UBE2V2: variants seen among roughly 807,000 people sequenced by gnomAD.
UBE2V2 encodes the protein ubiquitin-conjugating enzyme E2 variant 2.
Under a neutral mutation model 17.2 loss-of-function variants are expected in UBE2V2, and 9 were observed. The observed-to-expected ratio is 0.52, with a 90% CI of 0.32 to 0.91. The LOEUF (loss-of-function observed/expected upper bound fraction) is 0.91. Among genes scored for constraint, UBE2V2 ranks in the 40% least tolerant of loss-of-function variants. The pLI is 0.04. For synonymous variants in UBE2V2, 61 were observed against 57.5 expected (o/e 1.06, Z -0.28); for missense variants, 133 against 182.6 (o/e 0.73, Z 1.56).
intron 3 of UBE2V2, 181 bp downstream of exon 3, chr8:48,050,159 A>G (rs951325238): frequency 4.8e-6 from 2 of 413,494 alleles, no homozygotes; most frequent in East Asian, 4.2e-5. Flanking sequence ...TCTTTTATTA[A>G]TATAAATTAG....
rs548061842 is a variant in UBE2V2 at position 48,062,332 on chromosome 8, C to T, written c.*1504C>T. ...GTATTGGCCATGTGGTGGCTCATGC[C>T]GCTAATCCCAGCACTTTGGGAGGCT... On this transcript the variant is annotated 3_prime_UTR_variant, in exon 4 of 4. Transcript: ENST00000523111. 5 of 152,176 alleles carry T rather than the reference C, an allele frequency of 3.3e-5. 1 individual carries two copies. The highest frequency in any genetic ancestry group is 4.1e-4 in the South Asian group (2 of 4,822). 9.4% of individuals were successfully genotyped at this position (152,176 alleles called of 1,614,324 possible).
intron 1 of UBE2V2, among the ~76,000 whole-genome samples, chr8:48,032,748 A>C (rs2091392556): frequency 6.6e-6 from 1 of 152,124 alleles, no homozygotes; most frequent in Non-Finnish European, 1.5e-5. Flanking sequence ...GCAGACACAC[A>C]TGCACACACA....
chr8:48,001,754 C>G, the UBE2V2 span, among the ~76,000 whole-genome samples: 1 of 152,140 alleles, frequency 6.6e-6, no homozygotes, highest in Non-Finnish European at 1.5e-5. Context: ...ATATAAGGAA[C>G]TCAAACAACT....
intron 1 of UBE2V2, among the ~76,000 whole-genome samples, chr8:48,024,608 AAG>A (rs1318866963): frequency 2.1e-4 from 32 of 152,180 alleles, no homozygotes; most frequent in African/African-American, 7.7e-4. Context: ...AAAAAAAAAA[AAG>A]AGATTCTTAA....
At chr8:48,007,268 G>C (rs1007578228), upstream of UBE2V2, among the ~76,000 whole-genome samples, 1 of 152,062 alleles carries the variant, frequency 6.6e-6, no homozygotes, top group Non-Finnish European at 1.5e-5. Context: ...AGGGCAATCA[G>C]GCAAGAGAAA....
At chr8:48,052,197 A>AT (rs1491389657) in intron 3 of UBE2V2, among the ~76,000 whole-genome samples, 7 of 152,168 alleles carry the variant, frequency 4.6e-5, no homozygotes, top group Non-Finnish European at 1.0e-4. Flanking sequence ...ATTATAAAGC[A>AT]TATGAGTACA....
chr8:48,016,631 C>T (rs1589850313), intron 1 of UBE2V2, among the ~76,000 whole-genome samples: 1 of 151,996 alleles, frequency 6.6e-6, no homozygotes, highest in African/African-American at 2.4e-5. Context: ...TACAGCCACG[C>T]ACCACCATGC....
the UBE2V2 span, among the ~76,000 whole-genome samples, chr8:47,999,682 C>G: frequency 6.6e-6 from 1 of 152,072 alleles, no homozygotes; most frequent in East Asian, 1.9e-4. Context: ...TTATCTAAAG[C>G]CAGCATCTGG....
intron 3 of UBE2V2, among the ~76,000 whole-genome samples, chr8:48,058,069 C>T (rs894362004): frequency 2.0e-5 from 3 of 152,270 alleles, no homozygotes; most frequent in African/African-American, 7.2e-5. Flanking sequence ...GGTGGCGGCT[C>T]ATGCCTGTAA....
intron 3 of UBE2V2, among the ~76,000 whole-genome samples, chr8:48,055,442 C>T (rs1374150887): frequency 6.6e-6 from 1 of 151,766 alleles, no homozygotes; most frequent in Non-Finnish European, 1.5e-5. Flanking sequence ...TTCAGGCGAT[C>T]CACCCACCTC....
chr8:48,037,918 C>G (rs1406354626), intron 1 of UBE2V2, among the ~76,000 whole-genome samples: 3 of 152,186 alleles, frequency 2.0e-5, no homozygotes, highest in African/African-American at 7.2e-5. Flanking sequence ...GAAGTTTATG[C>G]TTAAAACCCC....
chr8:47,997,956 G>A, the UBE2V2 span, among the ~76,000 whole-genome samples: 1 of 151,956 alleles, frequency 6.6e-6, no homozygotes, highest in Non-Finnish European at 1.5e-5. Context: ...AGCAGGAGGC[G>A]AGTGGAGTTT....
chr8:48,035,060 A>G (rs2091412548), intron 1 of UBE2V2: 19 of 984,582 alleles, frequency 1.9e-5, no homozygotes, highest in Non-Finnish European at 2.3e-5. Context: ...TCCTCTTACA[A>G]GGTGAGTGCC....
chr8:48,016,020 C>T (rs1037840921), intron 1 of UBE2V2, among the ~76,000 whole-genome samples: 19 of 151,746 alleles, frequency 1.3e-4, no homozygotes, highest in African/African-American at 4.6e-4. Flanking sequence ...GCCTCAGGCT[C>T]CCTAGTAGCT....
intron 1 of UBE2V2, among the ~76,000 whole-genome samples, chr8:48,022,772 C>G (rs1344896362): frequency 6.6e-6 from 1 of 151,182 alleles, no homozygotes; most frequent in Non-Finnish European, 1.5e-5. Flanking sequence ...CTGGGACAGA[C>G]AGCTTTGTCT....
Position 48,032,692 on chromosome 8 carries a change from G to A in UBE2V2, c.17-10341G>A, listed in dbSNP as rs150918217. On this transcript the variant is annotated intron_variant, in intron 1 of 3. Coordinates refer to ENST00000523111, the MANE Select transcript of UBE2V2 (RefSeq NM_003350.3). ...GATCTCTTGAGCCTAGGAATTTGAG[G>A]CTGTAGTGAGCCATGGCGACAGAGT... Among the ~76,000 whole-genome samples, 131 of 152,258 alleles carry A rather than the reference G, an allele frequency of 8.6e-4. 1 individual carries two copies. Among genetic ancestry groups the A allele is most frequent in the African/African-American group, 2.8e-3 (118 of 41,542 alleles).
At chr8:48,000,194 G>A in the UBE2V2 span, among the ~76,000 whole-genome samples, 7 of 152,178 alleles carry the variant, frequency 4.6e-5, no homozygotes, top group African/African-American at 1.4e-4. Flanking sequence ...ATTTCTATAC[G>A]TCTCTGGAAT....
In UBE2V2 at chr8:48,063,293, A is replaced by G. The variant is rs1211798062; in HGVS notation, c.*2465A>G. ...AGCAGAATCCATTTTGCATGTCACA[A>G]TCAAGATGTACTTGGCAATCTAAGA... On this transcript the variant is annotated 3_prime_UTR_variant, in exon 4 of 4. Coordinates refer to ENST00000523111, the MANE Select transcript of UBE2V2 (RefSeq NM_003350.3). 12 of 152,252 alleles carry G rather than the reference A, an allele frequency of 7.9e-5. No homozygotes were observed. The highest frequency in any genetic ancestry group is 7.9e-4 in the Admixed American group (12 of 15,284). The allele number at this position is 152,252 out of a possible 1,614,324, so 9.4% of individuals were successfully genotyped here. A position where few individuals can be genotyped will look rare whatever the true frequency, so the allele number is the denominator to read the frequency against.
intron 2 of UBE2V2, chr8:48,043,410 T>TCTTACTAA: frequency 3.1e-6 from 1 of 325,028 alleles, no homozygotes; most frequent in Non-Finnish European, 5.4e-6. Context: ...TTTTGCAGTT[T>TCTTACTAA]AGTAAGGGAG....
Sources: allele counts gnomAD v4.1 joint callset (sites outside exome capture counted in the v4.1 genomes callset), GRCh38; gene constraint gnomAD v4.1.1; transcripts MANE v1.5; gene names NCBI Gene and HGNC (gene_info 2026-07-23, HGNC 2026-07-21).